NELL2: variants seen among roughly 807,000 people sequenced by gnomAD.
The protein encoded by NELL2 is neural EGFL like 2.
Under a neutral mutation model 109.6 loss-of-function variants are expected in NELL2, and 41 were observed. That is an observed-to-expected ratio of 0.37 (90% confidence interval 0.29 to 0.49). The LOEUF is 0.49. NELL2 is among the 20% of genes least tolerant of loss of function. The pLI is 0.98. For missense variants in NELL2, 900 were observed against 1,008.3 expected, an observed-to-expected ratio of 0.89 and a Z score of 1.45; for synonymous variants, 355 against 344.7, an observed-to-expected ratio of 1.03 and a Z score of -0.33.
intron 3 of NELL2, among the ~76,000 whole-genome samples, chr12:44,784,854 A>G (rs1273589151): frequency 6.6e-6 from 1 of 152,228 alleles, no homozygotes; most frequent in Non-Finnish European, 1.5e-5. Flanking sequence ...AAAACACTCA[A>G]TAAACTAGGT....
intron 13 of NELL2, among the ~76,000 whole-genome samples, chr12:44,622,925 T>C (rs1430312167): frequency 6.6e-6 from 1 of 152,176 alleles, no homozygotes; most frequent in African/African-American, 2.4e-5. Context: ...TTGTTCTTGA[T>C]AAAACAGGAA....
At position 44,796,958 on chromosome 12, in the gene NELL2, G is replaced by T. The variant is rs112209456; in HGVS notation, c.336-16936C>A. Among the ~76,000 whole-genome samples, 735 of 152,038 alleles carry T rather than the reference G, an allele frequency of 4.8e-3. 8 individuals are homozygous for T. The highest frequency in any genetic ancestry group is 0.017 in the African/African-American group (692 of 41,480). ...CCAGCAAAACACAAACAAATCCTAA[G>T]AAAGAGCACTTGGAGCTATGATTCT... On this transcript the variant is annotated intron_variant, in intron 3 of 19. Transcript: ENST00000429094.
chr12:44,914,581 A>C (rs1474884997), upstream of NELL2, among the ~76,000 whole-genome samples: 1 of 152,058 alleles, frequency 6.6e-6, no homozygotes, highest in Non-Finnish European at 1.5e-5. Context: ...TATTTATCTC[A>C]TTGTGTCTCT....
chr12:44,823,744 A>G (rs1405678505), intron 2 of NELL2, among the ~76,000 whole-genome samples: 21 of 152,186 alleles, frequency 1.4e-4, no homozygotes, highest in Admixed American at 1.4e-3. Context: ...TTTCCTTTAG[A>G]TATATACCCA....
chr12:44,600,021 G>A (rs1234869659), intron 15 of NELL2, among the ~76,000 whole-genome samples: 2 of 148,280 alleles, frequency 1.3e-5, no homozygotes, highest in Admixed American at 6.8e-5. Context: ...GAGTGCAGTG[G>A]CGCGATATCT....
chr12:44,722,738 A>T (rs1938848406), intron 9 of NELL2, among the ~76,000 whole-genome samples: 2 of 152,162 alleles, frequency 1.3e-5, no homozygotes, highest in South Asian at 4.1e-4. Context: ...AATCACAATA[A>T]TATACTTTGT....
chr12:44,623,742 T>A (rs909390148), intron 13 of NELL2, among the ~76,000 whole-genome samples: 1 of 152,188 alleles, frequency 6.6e-6, no homozygotes, highest in African/African-American at 2.4e-5. Flanking sequence ...TTGCCATTTT[T>A]ACTTATGCCC....
intron 9 of NELL2, among the ~76,000 whole-genome samples, chr12:44,715,189 T>C (rs1232436162): frequency 6.6e-6 from 1 of 151,098 alleles, no homozygotes; most frequent in Non-Finnish European, 1.5e-5. Context: ...AAAGAAGGTA[T>C]ATTCATTTCA....
chr12:44,554,838 G>A (rs534519819), intron 15 of NELL2, among the ~76,000 whole-genome samples: 1 of 152,314 alleles, frequency 6.6e-6, no homozygotes, highest in African/African-American at 2.4e-5. Context: ...AGGAGGGAGA[G>A]TTGGTGTGAA....
intron 2 of NELL2, among the ~76,000 whole-genome samples, chr12:44,852,295 T>C (rs1425934226): frequency 2.6e-5 from 4 of 152,338 alleles, no homozygotes; most frequent in South Asian, 4.1e-4. Flanking sequence ...CCTTACCTAC[T>C]TCTTCTATCA....
intron 12 of NELL2, among the ~76,000 whole-genome samples, chr12:44,691,452 C>T (rs962911528): frequency 6.6e-6 from 1 of 152,094 alleles, no homozygotes; most frequent in Non-Finnish European, 1.5e-5. Context: ...CATCTCGCCC[C>T]CTTTCCTCAG....
At chr12:44,640,209 C>A (rs921518153) in intron 13 of NELL2, among the ~76,000 whole-genome samples, 1 of 152,124 alleles carries the variant, frequency 6.6e-6, no homozygotes, top group Non-Finnish European at 1.5e-5. Flanking sequence ...ATCATCATTA[C>A]AATTTAAATT....
At chr12:44,660,562 A>G (rs1199579719) in intron 13 of NELL2, among the ~76,000 whole-genome samples, 1 of 152,208 alleles carries the variant, frequency 6.6e-6, no homozygotes, top group Non-Finnish European at 1.5e-5. Flanking sequence ...GATATTTTCA[A>G]GTATCCTTTG....
At chr12:44,854,260 A>C (rs1944611235) in intron 2 of NELL2, among the ~76,000 whole-genome samples, 1 of 152,146 alleles carries the variant, frequency 6.6e-6, no homozygotes, top group Non-Finnish European at 1.5e-5. Context: ...GCCCTAAAAC[A>C]CCAGTGTATG....
chr12:44,879,999 T>C (rs1361755507), upstream of NELL2, among the ~76,000 whole-genome samples: 1 of 151,854 alleles, frequency 6.6e-6, no homozygotes, highest in East Asian at 1.9e-4. Flanking sequence ...AGTGACTTTC[T>C]ATGACTTCTG....
chr12:44,642,147 A>G (rs1217671450), intron 13 of NELL2, among the ~76,000 whole-genome samples: 2 of 152,140 alleles, frequency 1.3e-5, no homozygotes, highest in Non-Finnish European at 2.9e-5. Flanking sequence ...TTTATGAGTC[A>G]CCAGGGATAC....
At chr12:44,585,538 A>G (rs962376825) in intron 15 of NELL2, among the ~76,000 whole-genome samples, 1 of 152,166 alleles carries the variant, frequency 6.6e-6, no homozygotes, top group Non-Finnish European at 1.5e-5. Flanking sequence ...AGTTAAATAT[A>G]TTATGATATA....
chr12:44,755,211 C>T (rs1358694284), intron 9 of NELL2, among the ~76,000 whole-genome samples: 3 of 152,152 alleles, frequency 2.0e-5, no homozygotes. Flanking sequence ...CAAAGGGTAG[C>T]TGCAAATTCT....
intron 1 of NELL2, among the ~76,000 whole-genome samples, chr12:44,881,370 CA>C (rs1945410251): frequency 6.6e-6 from 1 of 151,796 alleles, no homozygotes; most frequent in South Asian, 2.1e-4. Context: ...AACAAATAAA[CA>C]CAAATACTCT....
Sources: gnomAD v4.1 joint callset for allele counts (sites outside exome capture counted in the v4.1 genomes callset) on GRCh38, gnomAD v4.1.1 for gene constraint, MANE v1.5 for transcripts, NCBI Gene and HGNC (gene_info 2026-07-23, HGNC 2026-07-21) for gene names.